NELL1: variants seen among roughly 807,000 people sequenced by gnomAD.
The protein encoded by NELL1 is neural EGFL like 1.
NELL1 carries 76 observed loss-of-function variants against 107.4 expected under a neutral mutation model. The observed-to-expected ratio is 0.71, with a 90% confidence interval of 0.59 to 0.86. NELL1 has a LOEUF of 0.86. NELL1 is among the 40% of genes least tolerant of loss of function. NELL1 has a pLI of 0.00. For missense variants in NELL1, 1,024 were observed against 1,005.5 expected, an observed-to-expected ratio of 1.02 and a Z score of -0.25; for synonymous variants, 353 against 341.2, an observed-to-expected ratio of 1.03 and a Z score of -0.38.
chr11:21,336,729 C>G (rs1850411050), intron 14 of NELL1, among the ~76,000 whole-genome samples: 1 of 149,730 alleles, frequency 6.7e-6, no homozygotes, highest in South Asian at 2.1e-4. Context: ...TGTATTTGAA[C>G]TCTTCTTTTT....
intron 12 of NELL1, among the ~76,000 whole-genome samples, chr11:21,107,468 A>T (rs1050816282): frequency 6.6e-6 from 1 of 152,206 alleles, no homozygotes; most frequent in African/African-American, 2.4e-5. Flanking sequence ...TCTGCAAGTT[A>T]TCTTACCAGT....
chr11:21,276,999 A>C (rs1332853651), intron 14 of NELL1, among the ~76,000 whole-genome samples: 4 of 151,602 alleles, frequency 2.6e-5, no homozygotes, highest in Admixed American at 2.0e-4. Flanking sequence ...CAAGGACTTC[A>C]TGTCTAAAAC....
chr11:20,993,318 A>T (rs1852018448), intron 12 of NELL1, among the ~76,000 whole-genome samples: 1 of 152,138 alleles, frequency 6.6e-6, no homozygotes, highest in Non-Finnish European at 1.5e-5. Context: ...TGGGCAGGGG[A>T]TACTATAACT....
chr11:21,406,397 T>C (rs1003711317), intron 15 of NELL1, among the ~76,000 whole-genome samples: 14 of 103,000 alleles, frequency 1.4e-4, no homozygotes, highest in African/African-American at 5.5e-4. Context: ...TCCTGAATTT[T>C]CCAATAATAA....
chr11:20,686,788 A>G (rs556893371), intron 2 of NELL1, among the ~76,000 whole-genome samples: 1 of 152,258 alleles, frequency 6.6e-6, no homozygotes, highest in South Asian at 2.1e-4. Flanking sequence ...TAATTTAACA[A>G]TTCTCCCCTT....
intron 5 of NELL1, among the ~76,000 whole-genome samples, chr11:20,886,461 C>G (rs116049364): frequency 1.3e-5 from 2 of 151,234 alleles, no homozygotes; most frequent in East Asian, 3.9e-4. Flanking sequence ...GATAAAATAC[C>G]ACAAAAATAT....
intron 12 of NELL1, among the ~76,000 whole-genome samples, chr11:21,007,388 GACAC>G (rs66809505): frequency 0.16 from 23,535 of 149,132 alleles, 1,965 homozygotes; most frequent in South Asian, 0.28. Flanking sequence ...CACACACACA[GACAC>G]ACACACACAC....
At chr11:21,361,763 G>A (rs1247158851) in intron 14 of NELL1, among the ~76,000 whole-genome samples, 1 of 151,874 alleles carries the variant, frequency 6.6e-6, no homozygotes, top group African/African-American at 2.4e-5. Context: ...TCTTCTACTT[G>A]TTCTAGTCTA....
In NELL1 at chr11:20,728,127, T is replaced by A. The variant is rs562491613; in HGVS notation, c.184+50067T>A. On this transcript the variant is annotated intron_variant, in intron 2 of 19. Coordinates refer to ENST00000357134, the MANE Select transcript of NELL1 (RefSeq NM_006157.5). ...TCTTTTCGAGGAGTGTTTGTTCACGTCTTTTATGTGTTTTTTAATGGGGTT... is the reference window on the plus strand; with the variant it reads ...TCTTTTCGAGGAGTGTTTGTTCACGACTTTTATGTGTTTTTTAATGGGGTT... Among the ~76,000 whole-genome samples, 8 of 152,296 alleles carry A rather than the reference T, an allele frequency of 5.3e-5. No individual in the cohort carries two copies. In the South Asian group the frequency reaches 8.3e-4, roughly 16 times the overall value.
intron 16 of NELL1, among the ~76,000 whole-genome samples, chr11:21,543,238 T>C (rs919043758): frequency 6.6e-6 from 1 of 152,020 alleles, no homozygotes; most frequent in African/African-American, 2.4e-5. Context: ...TCAAAATTGT[T>C]GTTTCCAAAG....
At position 21,072,461 on chromosome 11, in the gene NELL1, GA is replaced by G. The variant is rs1241061800; in HGVS notation, c.1301-41126del. 5.3e-5 allele frequency among the ~76,000 whole-genome samples: 8 copies of G among 152,246 alleles called. No individual in the cohort carries two copies. In the East Asian group the frequency reaches 1.5e-3, roughly 29 times the overall value. On this transcript the variant is annotated intron_variant, in intron 12 of 19. Transcript: ENST00000357134. Reference sequence around the variant, plus strand: ...CTCCCCAGCTGCAGAACTCAGTCTTGAATTCCATTTTCATTTTAAACATCAA... The same window carrying G: ...CTCCCCAGCTGCAGAACTCAGTCTTGATTCCATTTTCATTTTAAACATCAA...
intron 2 of NELL1, among the ~76,000 whole-genome samples, chr11:20,755,162 T>C (rs1254379276): frequency 6.6e-6 from 1 of 152,076 alleles, no homozygotes; most frequent in East Asian, 1.9e-4. Context: ...GGAAGTATGA[T>C]AGGGGGCGCT....
rs142706937 is a variant in NELL1 at position 21,120,601 on chromosome 11, G to C, written c.1426+6887G>C. On this transcript the variant is annotated intron_variant, in intron 13 of 19. Transcript: ENST00000357134. Reference sequence around the variant, plus strand: ...TTACAGGACAATTGCTTGGCTTTCAGTCTCAGCAGAGGTGATACATTTATA... The same window carrying C: ...TTACAGGACAATTGCTTGGCTTTCACTCTCAGCAGAGGTGATACATTTATA... Among the ~76,000 whole-genome samples the C allele has an allele frequency of 3.3e-3, 500 of 152,228 alleles. 2 individuals are homozygous for C. The highest frequency in any genetic ancestry group is 0.011 in the African/African-American group (473 of 41,546).
chr11:20,751,853 C>T (rs1856148491), intron 2 of NELL1, among the ~76,000 whole-genome samples: 1 of 152,010 alleles, frequency 6.6e-6, no homozygotes, highest in Non-Finnish European at 1.5e-5. Flanking sequence ...TTACACTTAA[C>T]TTTCATTTTT....
intron 2 of NELL1, among the ~76,000 whole-genome samples, chr11:20,738,176 C>T (rs539746273): frequency 2.6e-5 from 4 of 152,192 alleles, no homozygotes; most frequent in South Asian, 2.1e-4. Context: ...CAGCTGTGCA[C>T]GTGTGTTTTC....
chr11:21,528,884 G>A (rs774286091), intron 15 of NELL1, among the ~76,000 whole-genome samples: 33 of 151,998 alleles, frequency 2.2e-4, no homozygotes, highest in Admixed American at 9.8e-4. Flanking sequence ...AGCTGCCTAC[G>A]TAATCTGTGA....
chr11:21,161,495 C>A (rs1485138544), intron 13 of NELL1, among the ~76,000 whole-genome samples: 1 of 152,116 alleles, frequency 6.6e-6, no homozygotes, highest in Middle Eastern at 3.2e-3. Context: ...CGAGATCATG[C>A]CACTGCATTC....
intron 15 of NELL1, among the ~76,000 whole-genome samples, chr11:21,515,187 CAA>C (rs1855526673): frequency 6.6e-6 from 1 of 152,136 alleles, no homozygotes; most frequent in South Asian, 2.1e-4. Flanking sequence ...ATGTGGTCCT[CAA>C]TAGAAACAAT....
In NELL1 at chr11:20,852,576, A is replaced by G. The variant is rs929451904; in HGVS notation, c.506+4823A>G. ...TTTTTGAGGTGGTTAAATCACAAGT[A>G]TAATGCATGACATTGGTTTTATACA... On this transcript the variant is annotated intron_variant, in intron 4 of 19. Transcript: ENST00000357134. Among the ~76,000 whole-genome samples, 14 of 152,358 alleles carry G rather than the reference A, an allele frequency of 9.2e-5. No individual in the cohort carries two copies. In the East Asian group the frequency reaches 2.7e-3, roughly 29 times the overall value.
Sources: gnomAD v4.1 joint callset for allele counts (sites outside exome capture counted in the v4.1 genomes callset) on GRCh38, gnomAD v4.1.1 for gene constraint, MANE v1.5 for transcripts, NCBI Gene and HGNC (gene_info 2026-07-23, HGNC 2026-07-21) for gene names.